Variants in NFKBIZ observed in about 807,000 individuals in gnomAD.
NFKBIZ encodes NFKB inhibitor zeta, also known as NF-kappa-B inhibitor zeta.
Under a neutral mutation model 76.8 loss-of-function variants are expected in NFKBIZ, and 19 were observed. That is an observed-to-expected ratio of 0.25 (90% confidence interval 0.17 to 0.36). NFKBIZ has a LOEUF of 0.36. Ranked by LOEUF, NFKBIZ falls within the 10% of genes least tolerant of loss-of-function variation. The pLI is 1.00. For missense variants in NFKBIZ, 829 were observed against 910.9 expected (o/e 0.91, Z 1.16); for synonymous variants, 368 against 354.8 (o/e 1.04, Z -0.42).
At chr3:101,831,666 A>T (rs1942649810) in intron 2 of NFKBIZ, among the ~76,000 whole-genome samples, 1 of 145,418 alleles carries the variant, frequency 6.9e-6, no homozygotes, top group Non-Finnish European at 1.5e-5. Flanking sequence ...TTGATACAGA[A>T]TCTCCCTCTG....
At chr3:101,844,527 G>A (rs967852931), upstream of NFKBIZ, among the ~76,000 whole-genome samples, 11 of 152,290 alleles carry the variant, frequency 7.2e-5, no homozygotes, top group African/African-American at 2.4e-4. Context: ...GATGAGATTC[G>A]AAAAGTTATT....
At chr3:101,856,026 C>T in intron 9 of NFKBIZ, 124 bp downstream of exon 9, 2 of 871,014 alleles carry the variant, frequency 2.3e-6, no homozygotes, top group Non-Finnish European at 1.7e-6. Flanking sequence ...GTGTGAGTAG[C>T]AATGTATGGG....
intron 9 of NFKBIZ, among the ~76,000 whole-genome samples, chr3:101,856,297 G>A (rs1431434514): frequency 1.3e-5 from 2 of 152,158 alleles, no homozygotes; most frequent in Non-Finnish European, 2.9e-5. Flanking sequence ...TGATCTGCCC[G>A]CCTCGGCCTC....
chr3:101,845,679 C>T (rs1165349119), upstream of NFKBIZ, among the ~76,000 whole-genome samples: 1 of 152,130 alleles, frequency 6.6e-6, no homozygotes, highest in Admixed American at 6.5e-5. Context: ...CACCATAAAA[C>T]TAAAAAATGT....
chr3:101,858,446 C>A, intron 11 of NFKBIZ: 1 of 985,250 alleles, frequency 1.0e-6, no homozygotes, highest in Non-Finnish European at 1.2e-6. Context: ...AGGCAGAGTC[C>A]TAAGCCCAGT....
intron 2 of NFKBIZ, among the ~76,000 whole-genome samples, chr3:101,840,923 A>G (rs949829488): frequency 1.3e-5 from 2 of 152,226 alleles, no homozygotes; most frequent in African/African-American, 4.8e-5. Context: ...TATAAAAGGA[A>G]GTTGCAGAGA....
chr3:101,853,771 A>G lies in NFKBIZ; in HGVS notation c.1245A>G (p.Lys415=). The G allele has an allele frequency of 6.2e-7, 1 of 1,614,202 alleles. No individual in the cohort carries two copies. Among genetic ancestry groups the G allele is most frequent in the Non-Finnish European group, 8.5e-7 (1 of 1,180,040 alleles). The part of the protein sequence containing the change: ...GNPMNTTQLG[K]SLFQWQVEQE... The stretch of plus-strand genomic sequence containing the variant: ...CAATGAACACCACACAGTTAGGGAA[A>G]TCACTTTTTCAGTGGCAGGTGGAGC... The change falls in exon 5 of 12, where the codon AAA becomes AAG. Residue 415 remains lysine (K), a synonymous_variant. Transcript: ENST00000326172.
chr3:101,858,903 G>A (rs956082287), intron 11 of NFKBIZ, among the ~76,000 whole-genome samples: 2 of 152,184 alleles, frequency 1.3e-5, no homozygotes, highest in African/African-American at 4.8e-5. Flanking sequence ...ATCATAAAAT[G>A]TGGGTTTTCT....
chr3:101,835,399 T>A (rs779939134), intron 2 of NFKBIZ, among the ~76,000 whole-genome samples: 12 of 152,166 alleles, frequency 7.9e-5, no homozygotes, highest in Non-Finnish European at 1.3e-4. Flanking sequence ...AGAAGTATGA[T>A]GGGATAATGT....
At chr3:101,852,862 G>A (rs1386546713) in intron 3 of NFKBIZ, 24 bp from the exon 4 acceptor site, 2 of 1,605,924 alleles carry the variant, frequency 1.2e-6, no homozygotes, top group African/African-American at 2.7e-5. Context: ...AATGATGACA[G>A]AGGCTGTATT....
chr3:101,855,956 C>A, intron 9 of NFKBIZ, 54 bp downstream of exon 9: 2 of 1,461,666 alleles, frequency 1.4e-6, no homozygotes, highest in Non-Finnish European at 1.8e-6. Flanking sequence ...GGTTATATAG[C>A]AAAAGACCTT....
Position 101,860,919 on chromosome 3 carries a change from ACACGTTAGTTATAATCAC to A in NFKBIZ, c.*1550_*1567del, listed in dbSNP as rs1943125550. ...TTGTTTGACCCAGTATGTCTTGTAG[ACACGTTAGTTATAATCAC>A]CTTGTATCTCTAAATATGGTGTGAT... On this transcript the variant is annotated 3_prime_UTR_variant, in exon 12 of 12. Coordinates refer to ENST00000326172, the MANE Select transcript of NFKBIZ (RefSeq NM_031419.4). 6.6e-6 allele frequency: 1 copy of A among 152,054 alleles called. No homozygotes were observed. Among genetic ancestry groups the A allele is most frequent in the African/African-American group, 2.4e-5 (1 of 41,378 alleles). The allele number at this position is 152,054 out of a possible 1,614,324, so 9.4% of individuals were successfully genotyped here. A position where few individuals can be genotyped will look rare whatever the true frequency, so the allele number is the denominator to read the frequency against.
In NFKBIZ at chr3:101,859,691, A is replaced by G; in HGVS notation, c.*320A>G. ...TTGATTTGTGGCACAAAACATTATT[A>G]ATATAGCTATTGACAGTTTCAAAGC... On this transcript the variant is annotated 3_prime_UTR_variant, in exon 12 of 12. Transcript: ENST00000326172. 2 of 207,060 alleles carry G rather than the reference A, an allele frequency of 9.7e-6. No homozygotes were observed. The highest frequency in any genetic ancestry group is 2.0e-5 in the Non-Finnish European group (2 of 99,976). 12.8% of individuals were successfully genotyped at this position (207,060 alleles called of 1,614,324 possible). A position where few individuals can be genotyped will look rare whatever the true frequency, so the allele number is the denominator to read the frequency against.
At chr3:101,858,264 A>G in intron 11 of NFKBIZ, 1 of 976,494 alleles carries the variant, frequency 1.0e-6, no homozygotes. Flanking sequence ...ATGTTATAGT[A>G]GCCCCTATTT....
At chr3:101,831,978 A>T (rs2107392477) in intron 2 of NFKBIZ, among the ~76,000 whole-genome samples, 1 of 152,128 alleles carries the variant, frequency 6.6e-6, no homozygotes, top group Middle Eastern at 3.4e-3. Flanking sequence ...GCATGATCAT[A>T]GCTCACTGTG....
At chr3:101,853,019 T>G in intron 4 of NFKBIZ, 30 bp downstream of exon 4, 1 of 1,613,404 alleles carries the variant, frequency 6.2e-7, no homozygotes, top group Non-Finnish European at 8.5e-7. Flanking sequence ...CCTCTGACTA[T>G]CCTTTGGAAA....
intron 8 of NFKBIZ, 131 bp from the exon 9 acceptor site, chr3:101,855,602 A>T: frequency 8.1e-7 from 1 of 1,235,482 alleles, no homozygotes; most frequent in Middle Eastern, 2.0e-4. Context: ...CAATATTCAG[A>T]TTGCCTTACT....
chr3:101,832,226 C>A (rs1942656500), intron 2 of NFKBIZ, among the ~76,000 whole-genome samples: 1 of 152,100 alleles, frequency 6.6e-6, no homozygotes, highest in Non-Finnish European at 1.5e-5. Context: ...TGTGAGCCAC[C>A]ATGCCTGGCT....
chr3:101,857,562 G>T (rs894485339), intron 11 of NFKBIZ, 103 bp downstream of exon 11: 81 of 1,536,832 alleles, frequency 5.3e-5, no homozygotes, highest in Non-Finnish European at 6.7e-5. Flanking sequence ...TGCTCTTCAG[G>T]TGGACTCTAT....
Sources: allele counts gnomAD v4.1 joint callset (sites outside exome capture counted in the v4.1 genomes callset), GRCh38; gene constraint gnomAD v4.1.1; transcripts MANE v1.5; gene names NCBI Gene and HGNC (gene_info 2026-07-23, HGNC 2026-07-21).